The following KIF7 variants were observed in gnomAD, a reference collection of about 807,000 sequenced individuals.
KIF7 encodes the protein kinesin-like protein KIF7.
In KIF7, 104 loss-of-function variants were observed where a neutral mutation model predicts 135.7. The observed-to-expected ratio is 0.77, with a 90% CI of 0.65 to 0.90. The LOEUF (loss-of-function observed/expected upper bound fraction) is 0.90. KIF7 is among the 40% of genes least tolerant of loss of function. KIF7 has a pLI of 0.00. For synonymous variants in KIF7, 883 were observed against 809.4 expected (o/e 1.09, Z -1.54); for missense variants, 2,005 against 1,839.1 (o/e 1.09, Z -1.65).
Position 89,629,433 on chromosome 15 carries a change from C to G in KIF7, c.3459G>C (p.Leu1153=). Residue 1153 remains leucine (L), a synonymous_variant, in exon 17 of 19, where the codon CTG becomes CTC. Transcript: ENST00000394412. Reference sequence around the variant, plus strand: ...GCTCGTGCTCCTTCTGCTGCAGGGTCAGCTGGCGGTCCATCTCCAGGCGCT... The same window carrying G: ...GCTCGTGCTCCTTCTGCTGCAGGGTGAGCTGGCGGTCCATCTCCAGGCGCT... The part of the protein sequence containing the change: ...ERQRLEMDRQ[L]TLQQKEHEQN... 1.2e-6 allele frequency: 2 copies of G among 1,608,672 alleles called. No homozygotes were observed. Among genetic ancestry groups the G allele is most frequent in the Non-Finnish European group, 1.7e-6 (2 of 1,179,892 alleles).
intron 8 of KIF7, 132 bp downstream of exon 8, chr15:89,645,761 C>T: frequency 2.4e-6 from 3 of 1,276,154 alleles, no homozygotes; most frequent in Non-Finnish European, 3.2e-6. Flanking sequence ...CTGGCCAGGG[C>T]AACATGAGGG....
At chr15:89,644,343 G>A (rs1050449666) in intron 10 of KIF7, among the ~76,000 whole-genome samples, 1 of 152,020 alleles carries the variant, frequency 6.6e-6, no homozygotes, top group Admixed American at 6.6e-5. Context: ...GAGATACTTC[G>A]CCCAGCACAA....
chr15:89,643,146 A>G (rs1250372826), intron 10 of KIF7, among the ~76,000 whole-genome samples: 1 of 152,146 alleles, frequency 6.6e-6, no homozygotes, highest in Non-Finnish European at 1.5e-5. Context: ...TCAGAAACAA[A>G]TACAGTCGGC....
In KIF7 at chr15:89,652,756, C is replaced by G. The variant is rs369404071; in HGVS notation, c.175G>C (p.Val59Leu). The G allele has an allele frequency of 6.8e-5, 105 of 1,551,584 alleles. No individual in the cohort carries two copies. Among genetic ancestry groups the G allele is most frequent in the Non-Finnish European group, 9.1e-5 (104 of 1,147,000 alleles). ...LGRDRHFGFH[V>L]VLAEDAGQEA... ...TGCCCCGCATCCTCGGCCAGCACCA[C>G]GTGGAAGCCAAAGTGTCGGTCACGG... Residue 59 changes from valine to leucine, a missense_variant, in exon 2 of 19, where the codon GTG becomes CTG. Val to Leu is a conservative substitution (Grantham distance 32). Coordinates refer to ENST00000394412, the MANE Select transcript of KIF7 (RefSeq NM_198525.3).
At chr15:89,638,928 T>G (rs1414160659) in intron 11 of KIF7, among the ~76,000 whole-genome samples, 1 of 151,896 alleles carries the variant, frequency 6.6e-6, no homozygotes. Flanking sequence ...AACAGCATGG[T>G]ACTGGTACCA....
chr15:89,620,761 T>C (rs778542113), intron 1 of KIF7, among the ~76,000 whole-genome samples: 1 of 151,944 alleles, frequency 6.6e-6, no homozygotes, highest in Non-Finnish European at 1.5e-5. Flanking sequence ...CTCACTCTGT[T>C]GCCCAGGCTG....
At chr15:89,657,461 G>T (rs1265043825), upstream of KIF7, among the ~76,000 whole-genome samples, 4 of 152,136 alleles carry the variant, frequency 2.6e-5, no homozygotes, top group Non-Finnish European at 5.9e-5. Flanking sequence ...CATGATTTTA[G>T]AAAGATTTAT....
chr15:89,629,432 T>C lies in KIF7; in HGVS notation c.3460A>G (p.Thr1154Ala). Reference protein sequence around the residue: ...RQRLEMDRQLTLQQKEHEQNM... With the variant: ...RQRLEMDRQLALQQKEHEQNM... ...TGCTCGTGCTCCTTCTGCTGCAGGG[T>C]CAGCTGGCGGTCCATCTCCAGGCGC... The change falls in exon 17 of 19, where the codon ACC becomes GCC. Residue 1154 changes from threonine to alanine, a missense_variant. Transcript: ENST00000394412. 6.2e-7 allele frequency: 1 copy of C among 1,608,516 alleles called. No individual in the cohort carries two copies.
intron 1 of KIF7, among the ~76,000 whole-genome samples, chr15:89,622,912 C>T (rs1164759260): frequency 1.3e-5 from 2 of 152,212 alleles, no homozygotes; most frequent in Non-Finnish European, 2.9e-5. Context: ...CTGTGATGCC[C>T]CTCGCATGTC....
chr15:89,650,042 G>T, intron 2 of KIF7, 101 bp from the exon 3 acceptor site: 1 of 1,231,760 alleles, frequency 8.1e-7, no homozygotes. Flanking sequence ...GGAGGATGGT[G>T]CTCTAGGATG....
intron 15 of KIF7, chr15:89,630,823 T>C (rs780933751): frequency 2.2e-6 from 1 of 446,038 alleles, no homozygotes; most frequent in South Asian, 2.1e-5. Flanking sequence ...GGTAAGCTTC[T>C]ACAGATGGGG....
downstream of KIF7, chr15:89,624,351 C>T (rs1963475607): frequency 1.9e-6 from 3 of 1,614,138 alleles, no homozygotes; most frequent in South Asian, 3.3e-5. Context: ...AGATGTCACC[C>T]AGCGTAGCTG....
chr15:89,645,509 C>T, intron 8 of KIF7, 58 bp from the exon 9 acceptor site: 2 of 1,378,548 alleles, frequency 1.5e-6, no homozygotes, highest in Non-Finnish European at 1.0e-6. Context: ...AGCCTAGCCA[C>T]CCCCAGGCCT....
chr15:89,619,221 CTTT>C lies in KIF7; in HGVS notation c.181-1029_181-1027del, dbSNP rs386383750. 4.5e-3 allele frequency among the ~76,000 whole-genome samples: 505 copies of C among 111,990 alleles called. 6 individuals carry two copies. Among genetic ancestry groups the C allele is most frequent in the African/African-American group, 0.017 (473 of 28,478 alleles). The allele number at this position is 111,990 out of a possible 152,430, so 73.5% of individuals were successfully genotyped here. A position where few individuals can be genotyped will look rare whatever the true frequency, so the allele number is the denominator to read the frequency against. On this transcript the variant is annotated intron_variant and NMD_transcript_variant, in intron 1 of 2. Transcript: ENST00000558928. Reference sequence around the variant, plus strand: ...CTTGTTTTCGCCCTACACCATTCTTCTTTTTTTTTTTTTTTTTTTGGTGAGACA... The same window carrying C: ...CTTGTTTTCGCCCTACACCATTCTTCTTTTTTTTTTTTTTTTGGTGAGACA...
chr15:89,642,430 A>C (rs1963941378), intron 10 of KIF7, 25 bp from the exon 11 acceptor site: 4 of 1,536,024 alleles, frequency 2.6e-6, no homozygotes, highest in Non-Finnish European at 3.5e-6. Context: ...GAATGTCAGC[A>C]CAGGCAGCCC....
chr15:89,619,401 T>A (rs1040110003), intron 1 of KIF7, among the ~76,000 whole-genome samples: 10 of 152,034 alleles, frequency 6.6e-5, no homozygotes, highest in African/African-American at 2.4e-4. Flanking sequence ...AATTTTTGTA[T>A]TTTTAGTAGA....
upstream of KIF7, among the ~76,000 whole-genome samples, chr15:89,657,363 T>G (rs1964218668): frequency 6.7e-6 from 1 of 148,926 alleles, no homozygotes; most frequent in Non-Finnish European, 1.5e-5. Flanking sequence ...CTAATTACAA[T>G]TATAGTAATT....
At chr15:89,660,821 G>C in the KIF7 span, among the ~76,000 whole-genome samples, 36 of 152,198 alleles carry the variant, frequency 2.4e-4, no homozygotes, top group Non-Finnish European at 4.4e-4. Context: ...ATGATACAAG[G>C]AGAGGACTTG....
chr15:89,654,365 G>A (rs915614141), intron 1 of KIF7, among the ~76,000 whole-genome samples: 1 of 148,804 alleles, frequency 6.7e-6, no homozygotes, highest in Non-Finnish European at 1.5e-5. Context: ...ATCAGGCCCT[G>A]CCTCCCTGGA....
Sources: allele counts gnomAD v4.1 joint callset (sites outside exome capture counted in the v4.1 genomes callset), GRCh38; gene constraint gnomAD v4.1.1; transcripts MANE v1.5; gene names NCBI Gene and HGNC (gene_info 2026-07-23, HGNC 2026-07-21).